The following TACR3 variants were observed in gnomAD, a reference collection of about 807,000 sequenced individuals.
The protein encoded by TACR3 is tachykinin receptor 3.
TACR3 carries 34 observed loss-of-function variants against 35.0 expected under a neutral mutation model. The ratio of observed to expected loss-of-function variants is 0.97; its 90% CI spans 0.74 to 1.30. TACR3 has a LOEUF of 1.30. Ranked by LOEUF, TACR3 falls within the 50% of genes most tolerant of loss-of-function variation. The probability of loss-of-function intolerance (pLI) is 0.00; values close to 1 mark genes in which losing one functional copy is unlikely to be tolerated. For synonymous variants in TACR3, 233 were observed against 221.1 expected, an observed-to-expected ratio of 1.05 and a Z score of -0.48; for missense variants, 558 against 591.7, an observed-to-expected ratio of 0.94 and a Z score of 0.59.
intron 4 of TACR3, chr4:103,591,116 G>T (rs1204657638): frequency 1.5e-5 from 4 of 269,006 alleles, no homozygotes. Flanking sequence ...AATTATTCAA[G>T]AATTTCTAGG....
intron 3 of TACR3, among the ~76,000 whole-genome samples, chr4:103,649,096 G>A (rs2110324536): frequency 6.6e-6 from 1 of 152,122 alleles, no homozygotes; most frequent in East Asian, 1.9e-4. Flanking sequence ...TTTGAGAAAT[G>A]TCTATTCAGA....
At chr4:103,705,193 T>C (rs1267528571) in intron 1 of TACR3, among the ~76,000 whole-genome samples, 1 of 152,164 alleles carries the variant, frequency 6.6e-6, no homozygotes, top group Non-Finnish European at 1.5e-5. Flanking sequence ...AAGAGATTTT[T>C]ACCAATTTAT....
rs537675540 is a variant in TACR3, at chr4:103,707,681, C to T, written c.548+11447G>A. 3.2e-4 allele frequency among the ~76,000 whole-genome samples: 49 copies of T among 152,098 alleles called. 1 individual carries two copies. The South Asian group carries it at 9.4e-3, about 29-fold the overall frequency. ...AGGACAGTGGGTGCAGCCCACCGAGCGAGAGCCGAGGCAGGGTGAGGCATC... is the reference window on the plus strand; with the variant it reads ...AGGACAGTGGGTGCAGCCCACCGAGTGAGAGCCGAGGCAGGGTGAGGCATC... On this transcript the variant is annotated intron_variant, in intron 1 of 4. Transcript: ENST00000304883.
rs1219908193 is a variant in TACR3 at position 103,586,583 on chromosome 4, T to C, written c.*3099A>G. 1.3e-5 allele frequency: 2 copies of C among 152,100 alleles called. No individual in the cohort carries two copies. The highest frequency in any genetic ancestry group is 1.5e-5 in the Non-Finnish European group (1 of 67,996). The allele number at this position is 152,100 out of a possible 1,614,324, so 9.4% of individuals were successfully genotyped here. On this transcript the variant is annotated 3_prime_UTR_variant, in exon 5 of 5. Coordinates refer to ENST00000304883, the MANE Select transcript of TACR3 (RefSeq NM_001059.3). ...TTTCATAGGCTTGATACCAAGCTTC[T>C]TGGTATTCTTTATGTGCTTTGTAAG...
chr4:103,617,309 AAGAG>A (rs954481395), intron 3 of TACR3, among the ~76,000 whole-genome samples: 44 of 152,300 alleles, frequency 2.9e-4, no homozygotes, highest in African/African-American at 6.5e-4. Context: ...TATTTAAAGA[AAGAG>A]AGAAGCAAAT....
chr4:103,609,694 G>C (rs1724471125), intron 3 of TACR3, among the ~76,000 whole-genome samples: 1 of 151,964 alleles, frequency 6.6e-6, no homozygotes, highest in Admixed American at 6.6e-5. Context: ...AATAGAACAT[G>C]GTAACTTATT....
Position 103,605,961 on chromosome 4 carries a change from G to A in TACR3, c.889-14278C>T, listed in dbSNP as rs141773476. Among the ~76,000 whole-genome samples, 1,061 of 150,750 alleles carry A rather than the reference G, an allele frequency of 7.0e-3. 16 individuals are homozygous for A. Among genetic ancestry groups the A allele is most frequent in the African/African-American group, 0.022 (871 of 40,292 alleles). The stretch of plus-strand genomic sequence containing the variant: ...TCTAGGGTTTTTATGGTTTTAGGTC[G>A]TACGTTTAAGTCTTTAATCCATCTT... On this transcript the variant is annotated intron_variant, in intron 3 of 4. Coordinates refer to ENST00000304883, the MANE Select transcript of TACR3 (RefSeq NM_001059.3).
intron 1 of TACR3, among the ~76,000 whole-genome samples, chr4:103,660,186 T>C (rs1343929763): frequency 4.6e-5 from 7 of 152,050 alleles, no homozygotes; most frequent in African/African-American, 1.7e-4. Context: ...ATTCTTAATA[T>C]TAACTATAGT....
chr4:103,606,533 T>C (rs1687215974), intron 3 of TACR3, among the ~76,000 whole-genome samples: 2 of 152,146 alleles, frequency 1.3e-5, no homozygotes, highest in Non-Finnish European at 2.9e-5. Flanking sequence ...CTTGAAGAGC[T>C]CCTTCATATC....
intron 1 of TACR3, among the ~76,000 whole-genome samples, chr4:103,677,099 A>G (rs1283827164): frequency 1.3e-5 from 2 of 152,178 alleles, no homozygotes; most frequent in African/African-American, 4.8e-5. Context: ...GCCAACAAAC[A>G]TATGAGAAAA....
At chr4:103,641,095 G>C (rs1725346436) in intron 3 of TACR3, among the ~76,000 whole-genome samples, 1 of 151,688 alleles carries the variant, frequency 6.6e-6, no homozygotes, top group African/African-American at 2.4e-5. Flanking sequence ...ATGATTTAAG[G>C]GTTCAATTTT....
At chr4:103,663,938 T>C (rs3796959) in intron 1 of TACR3, among the ~76,000 whole-genome samples, 65,915 of 152,070 alleles carry the variant, frequency 0.43, 17,232 homozygotes, top group African/African-American at 0.75. Flanking sequence ...TTTATGTGAT[T>C]ACATCAGCTT....
In TACR3 at chr4:103,609,399, C is replaced by A. The variant is rs896764551; in HGVS notation, c.889-17716G>T. 6.6e-5 allele frequency among the ~76,000 whole-genome samples: 10 copies of A among 152,140 alleles called. No individual in the cohort carries two copies. In the South Asian group the frequency reaches 1.9e-3, roughly 28 times the overall value. ...TATCAGCAATGCAAAAAGAAAGAAA[C>A]TGCTTTTTATTATAAGAAATAACTC... On this transcript the variant is annotated intron_variant, in intron 3 of 4. Coordinates refer to ENST00000304883, the MANE Select transcript of TACR3 (RefSeq NM_001059.3).
intron 3 of TACR3, among the ~76,000 whole-genome samples, 179 bp downstream of exon 3, chr4:103,656,015 C>A (rs1725726260): frequency 6.6e-6 from 1 of 151,890 alleles, no homozygotes; most frequent in African/African-American, 2.4e-5. Flanking sequence ...AGACTGATTA[C>A]AGTATGTGGA....
chr4:103,707,297 C>T (rs551021695), intron 1 of TACR3, among the ~76,000 whole-genome samples: 7 of 152,178 alleles, frequency 4.6e-5, no homozygotes, highest in African/African-American at 1.4e-4. Flanking sequence ...TCAAGAGACT[C>T]AGAGACATAT....
At chr4:103,675,196 A>G (rs191353365) in intron 1 of TACR3, among the ~76,000 whole-genome samples, 7 of 152,140 alleles carry the variant, frequency 4.6e-5, no homozygotes, top group Admixed American at 4.6e-4. Flanking sequence ...TTTTCTATCA[A>G]TGCTTGGATC....
intron 1 of TACR3, among the ~76,000 whole-genome samples, chr4:103,698,056 G>C (rs903271821): frequency 6.6e-6 from 1 of 152,068 alleles, no homozygotes; most frequent in Non-Finnish European, 1.5e-5. Flanking sequence ...AAATACTACT[G>C]TCTTCAATAT....
intron 3 of TACR3, among the ~76,000 whole-genome samples, chr4:103,614,995 T>C (rs966866516): frequency 2.1e-5 from 3 of 144,802 alleles, no homozygotes; most frequent in Non-Finnish European, 4.5e-5. Flanking sequence ...CCCAGGTTCA[T>C]GCCATTCTCC....
At chr4:103,649,688 T>C (rs1725539033) in intron 3 of TACR3, among the ~76,000 whole-genome samples, 1 of 152,142 alleles carries the variant, frequency 6.6e-6, no homozygotes, top group Non-Finnish European at 1.5e-5. Flanking sequence ...TTCTTGATTC[T>C]TTTTAATTAT....
Sources: allele counts gnomAD v4.1 joint callset (sites outside exome capture counted in the v4.1 genomes callset), GRCh38; gene constraint gnomAD v4.1.1; transcripts MANE v1.5; gene names NCBI Gene and HGNC (gene_info 2026-07-23, HGNC 2026-07-21).